SHROOM4: variants seen among roughly 807,000 people sequenced by gnomAD.
SHROOM4 encodes the protein protein Shroom4.
In SHROOM4, 17 loss-of-function variants were observed where a neutral mutation model predicts 80.3. The observed-to-expected ratio is 0.21, with a 90% CI of 0.14 to 0.32. The LOEUF is 0.32. Among genes scored for constraint, SHROOM4 ranks in the 10% least tolerant of loss-of-function variants. The pLI is 1.00. For synonymous variants in SHROOM4, 400 were observed against 437.5 expected, an observed-to-expected ratio of 0.91 and a Z score of 1.07; for missense variants, 993 against 1,140.3, an observed-to-expected ratio of 0.87 and a Z score of 1.86.
At chrX:50,647,681 C>T (rs1557258115) in intron 2 of SHROOM4, among the ~76,000 whole-genome samples, 2 of 111,921 alleles carry the variant, frequency 1.8e-5, no homozygotes, top group African/African-American at 6.5e-5. Flanking sequence ...TACCACTTTT[C>T]AGAGGTCTGA....
intron 4 of SHROOM4, among the ~76,000 whole-genome samples, chrX:50,630,984 C>T (rs2147285227): frequency 9.0e-6 from 1 of 111,716 alleles, no homozygotes; most frequent in South Asian, 3.7e-4. Flanking sequence ...ACATTTTATA[C>T]AAACTCTTCC....
chrX:50,809,144 T>C (rs1004007698), intron 1 of SHROOM4, among the ~76,000 whole-genome samples: 1 of 111,383 alleles, frequency 9.0e-6, no homozygotes, highest in African/African-American at 3.3e-5. Flanking sequence ...TTCATGTAGG[T>C]AACCAGGCTG....
At position 50,787,394 on chromosome X, in the gene SHROOM4, G is replaced by A. The variant is rs782433599; in HGVS notation, c.117+26508C>T. Among the ~76,000 whole-genome samples, 3 of 111,064 alleles carry A rather than the reference G, an allele frequency of 2.7e-5. No individual in the cohort carries two copies. The South Asian group carries it at 1.1e-3, about 42-fold the overall frequency. ...GAGGAAAAGAATTACAGAGAGTGAA[G>A]AAAGCTAAAGGGACTTAAAGGCCAT... On this transcript the variant is annotated intron_variant, in intron 1 of 8. Coordinates refer to ENST00000376020, the MANE Select transcript of SHROOM4 (RefSeq NM_020717.5).
chrX:50,653,977 C>G (rs1557259223), intron 2 of SHROOM4, among the ~76,000 whole-genome samples: 1 of 111,833 alleles, frequency 8.9e-6, no homozygotes, highest in African/African-American at 3.3e-5. Flanking sequence ...AGAACCATTA[C>G]TGTAGCATAC....
At chrX:50,740,420 C>T (rs1471538754) in intron 1 of SHROOM4, among the ~76,000 whole-genome samples, 1 of 111,249 alleles carries the variant, frequency 9.0e-6, no homozygotes, top group Non-Finnish European at 1.9e-5. Flanking sequence ...ACATGAACAT[C>T]CAAACAAAAA....
At position 50,647,267 on chromosome X, in the gene SHROOM4, G is replaced by A. The variant is rs184184010; in HGVS notation, c.270-8959C>T. ...TTATCAATGATCCTAAAGGCAAAGA[G>A]GTGGATAGTGAATATTTCGAAGCTT... On this transcript the variant is annotated intron_variant, in intron 2 of 8. Coordinates refer to ENST00000376020, the MANE Select transcript of SHROOM4 (RefSeq NM_020717.5). Among the ~76,000 whole-genome samples the A allele has an allele frequency of 5.4e-5, 6 of 111,954 alleles. No homozygotes were observed. In the East Asian group the frequency reaches 8.4e-4, roughly 16 times the overall value.
chrX:50,634,783 G>T lies in SHROOM4; in HGVS notation c.1290C>A (p.Gly430=). The T allele has an allele frequency of 1.7e-6, 2 of 1,211,711 alleles. No homozygotes were observed. The highest frequency in any genetic ancestry group is 3.5e-5 in the South Asian group (2 of 56,973). Residue 430 remains glycine, a synonymous_variant, in exon 4 of 9, where the codon GGC becomes GGA. Transcript: ENST00000376020. ...CGGGTGGGAGCTCCATCCCTTTGCT[G>T]CCCCTGGTATCAAGGTGCACATGCT... The part of the protein sequence containing the change: ...HLQHVHLDTR[G]SKGMELPPVQ...
chrX:50,669,746 A>G (rs1401435349), intron 2 of SHROOM4, among the ~76,000 whole-genome samples: 1 of 112,206 alleles, frequency 8.9e-6, no homozygotes, highest in Non-Finnish European at 1.9e-5. Context: ...TCAAGAAACC[A>G]CTTTCTTTGC....
At chrX:50,672,489 A>G (rs1242787358) in intron 2 of SHROOM4, among the ~76,000 whole-genome samples, 1 of 111,939 alleles carries the variant, frequency 8.9e-6, no homozygotes, top group Non-Finnish European at 1.9e-5. Context: ...CCCAATACGA[A>G]CAACAGAAAG....
rs1223354214 is a variant in SHROOM4 at position 50,593,424 on chromosome X, AAAC to A, written c.*3268_*3270del. On this transcript the variant is annotated 3_prime_UTR_variant, in exon 9 of 9. Coordinates refer to ENST00000376020, the MANE Select transcript of SHROOM4 (RefSeq NM_020717.5). ...GGAGTGGTGGAGGACACAAATGCAG[AAAC>A]AACAAGATTTGGAAAAAGAATAGCT... 8.9e-6 allele frequency: 1 copy of A among 111,954 alleles called. No homozygotes were observed. Among genetic ancestry groups the A allele is most frequent in the Non-Finnish European group, 1.9e-5 (1 of 53,138 alleles). 9.2% of individuals were successfully genotyped at this position (111,954 alleles called of 1,213,427 possible). A position where few individuals can be genotyped will look rare whatever the true frequency, so the allele number is the denominator to read the frequency against.
chrX:50,635,751 C>T, intron 3 of SHROOM4, 83 bp from the exon 4 acceptor site: 1 of 883,629 alleles, frequency 1.1e-6, no homozygotes, highest in Non-Finnish European at 1.6e-6. Flanking sequence ...CCCAGAGGTA[C>T]CCATGCCACA....
At chrX:50,785,355 TTATTCATAATAGCTATGAATAAC>T (rs1306868805) in intron 1 of SHROOM4, among the ~76,000 whole-genome samples, 12 of 111,933 alleles carry the variant, frequency 1.1e-4, no homozygotes, top group East Asian at 5.6e-4. Flanking sequence ...CATAGCAGCT[TTATTCATAATAGCTATGAATAAC>T]TATTCATAAT....
chrX:50,606,821 A>G (rs1303058740), intron 6 of SHROOM4, among the ~76,000 whole-genome samples: 1 of 110,530 alleles, frequency 9.0e-6, no homozygotes, highest in Admixed American at 9.6e-5. Context: ...TATCTATTGT[A>G]AGGAATTATC....
At chrX:50,799,269 G>T (rs902942269) in intron 1 of SHROOM4, among the ~76,000 whole-genome samples, 3 of 112,764 alleles carry the variant, frequency 2.7e-5, no homozygotes, top group African/African-American at 9.7e-5. Context: ...CATACTTATT[G>T]TGATTGTGCT....
chrX:50,734,818 C>T (rs150975717), intron 1 of SHROOM4, among the ~76,000 whole-genome samples: 1,842 of 110,998 alleles, frequency 0.017, 15 homozygotes, highest in Non-Finnish European at 0.024. Flanking sequence ...ATACTGTTCT[C>T]GTGGTAGTGA....
intron 5 of SHROOM4, among the ~76,000 whole-genome samples, chrX:50,621,359 C>A (rs782058611): frequency 9.2e-4 from 102 of 111,395 alleles, no homozygotes; most frequent in African/African-American, 3.1e-3. Context: ...GCTTTAAAAT[C>A]TGATAGGGTA....
In SHROOM4 at chrX:50,695,847, G is replaced by A. The variant is rs1220007025; in HGVS notation, c.208C>T (p.Arg70Cys). The change falls in exon 2 of 9, where the codon CGC becomes TGC. Residue 70 changes from arginine (R) to cysteine (C), a missense_variant. Coordinates refer to ENST00000376020, the MANE Select transcript of SHROOM4 (RefSeq NM_020717.5). Reference protein sequence around the residue: ...NINGTPLYGSRQEALILIKGS... With the variant: ...NINGTPLYGSCQEALILIKGS... ...TTGATGAGAATGAGGGCCTCTTGGCGGGAGCCATATAATGGAGTGCCATTG... is the reference window on the plus strand; with the variant it reads ...TTGATGAGAATGAGGGCCTCTTGGCAGGAGCCATATAATGGAGTGCCATTG... The A allele has an allele frequency of 2.7e-5, 33 of 1,209,733 alleles. No individual in the cohort carries two copies. The highest frequency in any genetic ancestry group is 4.6e-4 in the Middle Eastern group (2 of 4,367).
At chrX:50,784,138 GTT>G (rs782523206) in intron 1 of SHROOM4, among the ~76,000 whole-genome samples, 1 of 111,231 alleles carries the variant, frequency 9.0e-6, no homozygotes, top group Non-Finnish European at 1.9e-5. Flanking sequence ...TAATCTTTGT[GTT>G]TTGTTTTGTT....
At chrX:50,651,510 G>C (rs1488030462) in intron 2 of SHROOM4, among the ~76,000 whole-genome samples, 4 of 111,760 alleles carry the variant, frequency 3.6e-5, no homozygotes, top group African/African-American at 1.3e-4. Context: ...GAACTTGTAG[G>C]AAAGAAAATT....
Sources: gnomAD v4.1 joint callset for allele counts (sites outside exome capture counted in the v4.1 genomes callset) on GRCh38, gnomAD v4.1.1 for gene constraint, MANE v1.5 for transcripts, NCBI Gene and HGNC (gene_info 2026-07-23, HGNC 2026-07-21) for gene names.